Variants in CALCR observed in about 807,000 individuals in gnomAD.
CALCR encodes the protein calcitonin receptor.
A neutral mutation model predicts 59.5 loss-of-function variants in CALCR; 47 were observed. The observed-to-expected ratio is 0.79, with a 90% CI of 0.63 to 1.01. The LOEUF is 1.01. Ranked by LOEUF, CALCR falls within the 50% of genes least tolerant of loss-of-function variation. The probability of loss-of-function intolerance (pLI) is 0.00; values close to 1 mark genes in which losing one functional copy is unlikely to be tolerated. For synonymous variants in CALCR, 213 were observed against 211.3 expected (o/e 1.01, Z -0.07); for missense variants, 566 against 597.1 (o/e 0.95, Z 0.54).
At chr7:93,494,093 A>G (rs1358397945) in intron 2 of CALCR, among the ~76,000 whole-genome samples, 1 of 151,424 alleles carries the variant, frequency 6.6e-6, no homozygotes, top group Non-Finnish European at 1.5e-5. Flanking sequence ...CCAGAATTAA[A>G]AGCCAAATCT....
chr7:93,541,409 T>A (rs1004989251), intron 2 of CALCR, among the ~76,000 whole-genome samples: 23 of 152,034 alleles, frequency 1.5e-4, no homozygotes, highest in African/African-American at 5.6e-4. Flanking sequence ...GTGATCCGCC[T>A]GCCTCGGCCT....
chr7:93,467,316 A>G (rs1800460341), intron 7 of CALCR, among the ~76,000 whole-genome samples: 2 of 151,582 alleles, frequency 1.3e-5, no homozygotes, highest in Admixed American at 6.6e-5. Context: ...TTATGGAAGG[A>G]GCTCATTGTC....
chr7:93,573,065 G>A (rs904075047), intron 2 of CALCR, among the ~76,000 whole-genome samples: 2 of 151,988 alleles, frequency 1.3e-5, no homozygotes, highest in African/African-American at 4.8e-5. Context: ...AACTGTAAAG[G>A]TTTTACAAAT....
chr7:93,500,064 A>T (rs964693135), intron 2 of CALCR, among the ~76,000 whole-genome samples: 6 of 151,922 alleles, frequency 3.9e-5, no homozygotes, highest in African/African-American at 1.4e-4. Flanking sequence ...CACTCTATAG[A>T]TGAGCAAAAG....
intron 7 of CALCR, among the ~76,000 whole-genome samples, chr7:93,463,307 AAT>A (rs1296527210): frequency 6.6e-6 from 1 of 151,798 alleles, no homozygotes; most frequent in Non-Finnish European, 1.5e-5. Context: ...TCTATATAAA[AAT>A]ATATATATTT....
intron 2 of CALCR, among the ~76,000 whole-genome samples, chr7:93,561,013 TTTAC>T (rs1239783790): frequency 1.3e-5 from 2 of 152,164 alleles, no homozygotes; most frequent in African/African-American, 4.8e-5. Flanking sequence ...TCCTACATTA[TTTAC>T]AATCCACGAA....
At chr7:93,454,107 C>T (rs1251418636) in intron 8 of CALCR, among the ~76,000 whole-genome samples, 1 of 151,966 alleles carries the variant, frequency 6.6e-6, no homozygotes, top group Non-Finnish European at 1.5e-5. Context: ...ATCTCAAAAA[C>T]TCTGCTATCT....
intron 8 of CALCR, among the ~76,000 whole-genome samples, chr7:93,457,079 C>T (rs1800223538): frequency 6.6e-6 from 1 of 152,124 alleles, no homozygotes; most frequent in African/African-American, 2.4e-5. Context: ...CTGGGCATGT[C>T]TACCCCTAAA....
chr7:93,531,734 T>C (rs1198650879), intron 2 of CALCR, among the ~76,000 whole-genome samples: 1 of 152,048 alleles, frequency 6.6e-6, no homozygotes, highest in Non-Finnish European at 1.5e-5. Flanking sequence ...CTACTTGTAA[T>C]GGAAGCTTAA....
chr7:93,524,963 T>C (rs1801846582), intron 2 of CALCR, among the ~76,000 whole-genome samples: 1 of 152,132 alleles, frequency 6.6e-6, no homozygotes, highest in Admixed American at 6.6e-5. Flanking sequence ...ATTTACCTTA[T>C]TGGGTTGTTT....
At chr7:93,534,678 G>A (rs1380831978) in intron 2 of CALCR, among the ~76,000 whole-genome samples, 1 of 151,666 alleles carries the variant, frequency 6.6e-6, no homozygotes, top group Non-Finnish European at 1.5e-5. Context: ...TAGAACTGAA[G>A]ACAACAAATA....
chr7:93,466,173 T>C (rs1015273103), intron 7 of CALCR, among the ~76,000 whole-genome samples: 3 of 151,886 alleles, frequency 2.0e-5, no homozygotes, highest in African/African-American at 7.2e-5. Flanking sequence ...AAGGGAGTGA[T>C]GATATTTTTT....
chr7:93,516,329 A>G (rs1205194125), intron 2 of CALCR, among the ~76,000 whole-genome samples: 2 of 151,978 alleles, frequency 1.3e-5, no homozygotes, highest in Admixed American at 6.6e-5. Flanking sequence ...TAAAGCTTCA[A>G]AATTTTGTGT....
At chr7:93,435,321 C>G (rs1313317539) in intron 12 of CALCR, among the ~76,000 whole-genome samples, 2 of 152,136 alleles carry the variant, frequency 1.3e-5, no homozygotes, top group Admixed American at 1.3e-4. Context: ...AGAGCCAGCA[C>G]TTATTTATAA....
rs780790467 is a variant in CALCR at position 93,466,876 on chromosome 7, C to T, written c.521+1839G>A. Among the ~76,000 whole-genome samples the T allele has an allele frequency of 4.0e-5, 6 of 151,332 alleles. No homozygotes were observed. In the South Asian group the frequency reaches 6.2e-4, roughly 16 times the overall value. ...TTCAGTAGCTTAATATAGAAATGAT[C>T]GTTGAAAAAAAAATTCTTAATTTCT... On this transcript the variant is annotated intron_variant, in intron 7 of 13. Transcript: ENST00000426151.
At chr7:93,568,517 C>CTT in intron 2 of CALCR, among the ~76,000 whole-genome samples, 1 of 47,146 alleles carries the variant, frequency 2.1e-5, no homozygotes, top group Non-Finnish European at 5.7e-5. Context: ...CTTTCTCTCT[C>CTT]TCTCTCTCTC....
At position 93,438,106 on chromosome 7, in the gene CALCR, G is replaced by C; in HGVS notation, c.884C>G (p.Thr295Ser). 6.2e-7 allele frequency: 1 copy of C among 1,613,884 alleles called. No individual in the cohort carries two copies. Among genetic ancestry groups the C allele is most frequent in the Non-Finnish European group, 8.5e-7 (1 of 1,179,876 alleles). Reference protein sequence around the residue: ...FNDNCWLSVETHLLYIIHGPV... With the variant: ...FNDNCWLSVESHLLYIIHGPV... Reference sequence around the variant, plus strand: ...TCCATGGATTATGTAAAGCAAATGGGTTTCCACACTCAGCCAGCAGCTGAA... The same window carrying C: ...TCCATGGATTATGTAAAGCAAATGGCTTTCCACACTCAGCCAGCAGCTGAA... The change falls in exon 11 of 14, where the codon ACC (threonine) becomes AGC (serine). Residue 295 changes from threonine (T) to serine (S), a missense_variant. Thr to Ser is a moderately conservative substitution (Grantham distance 58, BLOSUM62 1). Transcript: ENST00000426151.
At chr7:93,487,198 A>G (rs181254577) in intron 2 of CALCR, among the ~76,000 whole-genome samples, 191 bp from the exon 3 acceptor site, 57 of 151,474 alleles carry the variant, frequency 3.8e-4, no homozygotes, top group Admixed American at 6.6e-4. Flanking sequence ...TTTCCTGTCA[A>G]CTAGATTGTT....
At chr7:93,512,874 A>G (rs73221752) in intron 2 of CALCR, among the ~76,000 whole-genome samples, 1,980 of 152,306 alleles carry the variant, frequency 0.013, 16 homozygotes, top group Non-Finnish European at 0.02. Context: ...ATAAACAGCA[A>G]TACTGACATA....
Sources: allele counts gnomAD v4.1 joint callset (sites outside exome capture counted in the v4.1 genomes callset), GRCh38; gene constraint gnomAD v4.1.1; transcripts MANE v1.5; gene names NCBI Gene and HGNC (gene_info 2026-07-23, HGNC 2026-07-21).